DLGAP1: variants seen among roughly 807,000 people sequenced by gnomAD.
DLGAP1 encodes the protein disks large-associated protein 1.
DLGAP1 carries 11 observed loss-of-function variants against 90.8 expected under a neutral mutation model. That is an observed-to-expected ratio of 0.12 (90% CI 0.08 to 0.20). DLGAP1 has a LOEUF of 0.20. DLGAP1 is among the 10% of genes least tolerant of loss of function. The pLI is 1.00. For missense variants in DLGAP1, 1,050 were observed against 1,333.8 expected, an observed-to-expected ratio of 0.79 and a Z score of 3.31; for synonymous variants, 558 against 540.7, an observed-to-expected ratio of 1.03 and a Z score of -0.44.
chr18:4,154,541 T>C (rs978381976), intron 1 of DLGAP1, among the ~76,000 whole-genome samples: 1 of 151,748 alleles, frequency 6.6e-6, no homozygotes, highest in African/African-American at 2.4e-5. Flanking sequence ...TGGCTGAGAG[T>C]GCGGAGAAGG....
At chr18:3,992,530 T>C (rs1018405042) in intron 3 of DLGAP1, among the ~76,000 whole-genome samples, 1 of 151,982 alleles carries the variant, frequency 6.6e-6, no homozygotes, top group Non-Finnish European at 1.5e-5. Flanking sequence ...TTACAAAAAT[T>C]AGCCAGGTGT....
chr18:3,609,562 A>G (rs56745317), intron 7 of DLGAP1, among the ~76,000 whole-genome samples: 47,084 of 151,992 alleles, frequency 0.31, 7,627 homozygotes, highest in Non-Finnish European at 0.34. Flanking sequence ...ACTTTACACT[A>G]TTAAATCATC....
At chr18:4,264,832 G>A (rs1340709376) in intron 1 of DLGAP1, 1 of 152,198 alleles carries the variant, frequency 6.6e-6, no homozygotes, top group Non-Finnish European at 1.5e-5. Flanking sequence ...CTGTCCAAAG[G>A]GAGCAGATGG....
At chr18:3,720,952 T>G (rs975109103) in intron 7 of DLGAP1, among the ~76,000 whole-genome samples, 2 of 146,414 alleles carry the variant, frequency 1.4e-5, no homozygotes, top group Non-Finnish European at 3.0e-5. Flanking sequence ...GGGGGCTGAG[T>G]TGAGAGGATT....
intron 10 of DLGAP1, among the ~76,000 whole-genome samples, chr18:3,511,302 TGTTTTA>T (rs1426994985): frequency 2.6e-5 from 4 of 152,242 alleles, no homozygotes; most frequent in Middle Eastern, 3.4e-3. Flanking sequence ...TGTTTTGTTT[TGTTTTA>T]TTTTTTTTCC....
intron 9 of DLGAP1, among the ~76,000 whole-genome samples, chr18:3,559,969 A>G (rs1266656933): frequency 2.0e-5 from 3 of 152,116 alleles, no homozygotes; most frequent in Non-Finnish European, 4.4e-5. Flanking sequence ...TTTTGCGAGT[A>G]CTTTGTAATA....
chr18:3,768,713 G>A (rs2064372833), intron 5 of DLGAP1, among the ~76,000 whole-genome samples: 1 of 152,132 alleles, frequency 6.6e-6, no homozygotes, highest in Admixed American at 6.5e-5. Flanking sequence ...CTAATAAATG[G>A]TGCTGGAGCA....
chr18:3,803,123 C>A (rs1256444983), intron 5 of DLGAP1, among the ~76,000 whole-genome samples: 1 of 151,990 alleles, frequency 6.6e-6, no homozygotes, highest in Non-Finnish European at 1.5e-5. Flanking sequence ...ATATCAGGCT[C>A]CCAGGATGAC....
At chr18:3,999,487 C>T (rs2074136385) in intron 3 of DLGAP1, among the ~76,000 whole-genome samples, 1 of 152,088 alleles carries the variant, frequency 6.6e-6, no homozygotes, top group Non-Finnish European at 1.5e-5. Flanking sequence ...TCTATATACC[C>T]GTGACTACCT....
At chr18:4,411,467 A>G (rs2082775600) in intron 1 of DLGAP1, among the ~76,000 whole-genome samples, 1 of 152,246 alleles carries the variant, frequency 6.6e-6, no homozygotes, top group Non-Finnish European at 1.5e-5. Flanking sequence ...GAGAAAGTCA[A>G]TGAAAAACTG....
At chr18:4,017,343 T>G (rs1304064349) in intron 2 of DLGAP1, among the ~76,000 whole-genome samples, 1 of 152,184 alleles carries the variant, frequency 6.6e-6, no homozygotes, top group East Asian at 1.9e-4. Context: ...TGATGCTCAA[T>G]AAATATTTGA....
chr18:3,677,211 T>C (rs1483543365), intron 7 of DLGAP1, among the ~76,000 whole-genome samples: 1 of 152,200 alleles, frequency 6.6e-6, no homozygotes, highest in Non-Finnish European at 1.5e-5. Context: ...CAGTTCCATT[T>C]CTAAATTATG....
intron 1 of DLGAP1, among the ~76,000 whole-genome samples, chr18:4,167,422 T>C (rs1438077505): frequency 1.3e-5 from 2 of 152,116 alleles, no homozygotes; most frequent in African/African-American, 4.8e-5. Flanking sequence ...GAGGGACATA[T>C]CACAATATAG....
At chr18:3,791,742 G>A (rs985789595) in intron 5 of DLGAP1, among the ~76,000 whole-genome samples, 1 of 152,082 alleles carries the variant, frequency 6.6e-6, no homozygotes, top group Non-Finnish European at 1.5e-5. Context: ...CTGAAATGAA[G>A]CACAATTGAA....
chr18:3,762,691 A>G (rs2064023101), intron 5 of DLGAP1, among the ~76,000 whole-genome samples: 1 of 152,190 alleles, frequency 6.6e-6, no homozygotes, highest in African/African-American at 2.4e-5. Flanking sequence ...AAAGGTCACA[A>G]AAAAGGTATC....
intron 5 of DLGAP1, among the ~76,000 whole-genome samples, chr18:3,769,370 A>G (rs1039494915): frequency 7.2e-5 from 11 of 152,172 alleles, no homozygotes; most frequent in Non-Finnish European, 1.5e-4. Context: ...TGCAACTACT[A>G]TATGACCCAA....
At chr18:3,588,392 G>C (rs368626434) in intron 7 of DLGAP1, among the ~76,000 whole-genome samples, 5 of 152,140 alleles carry the variant, frequency 3.3e-5, no homozygotes, top group Admixed American at 2.6e-4. Context: ...CTGGGAGGCG[G>C]AGGTTGCGGT....
At chr18:3,652,037 G>A (rs531196331) in intron 7 of DLGAP1, among the ~76,000 whole-genome samples, 75 of 151,040 alleles carry the variant, frequency 5.0e-4, no homozygotes, top group Non-Finnish European at 9.2e-4. Flanking sequence ...GGTGGCGCGC[G>A]CCTGTAGTTC....
At chr18:4,430,494 T>TTGTGTGTGTGTGTGTGTGTGTGTG (rs1225686125) in intron 1 of DLGAP1, 2 of 73,234 alleles carry the variant, frequency 2.7e-5, no homozygotes. Flanking sequence ...GTAAATAGTC[T>TTGTGTGTGTGTGTGTGTGTGTGTG]TGTGTGTCTG....
Sources: allele counts gnomAD v4.1 joint callset (sites outside exome capture counted in the v4.1 genomes callset), GRCh38; gene constraint gnomAD v4.1.1; transcripts MANE v1.5; gene names NCBI Gene and HGNC (gene_info 2026-07-23, HGNC 2026-07-21).